SH2D6: variants seen among roughly 807,000 people sequenced by gnomAD.
SH2D6 encodes SH2 domain containing 6, also known as SH2 domain-containing protein 6.
Under a neutral mutation model 30.2 loss-of-function variants are expected in SH2D6, and 31 were observed. The ratio of observed to expected loss-of-function variants is 1.03; its 90% CI spans 0.77 to 1.38. SH2D6 has a LOEUF of 1.38. Ranked by LOEUF, SH2D6 falls within the 40% of genes most tolerant of loss-of-function variation. The pLI is 0.00. For synonymous variants in SH2D6, 93 were observed against 104.6 expected (o/e 0.89, Z 0.68); for missense variants, 240 against 266.8 (o/e 0.90, Z 0.70).
At chr2:85,435,959 C>T in intron 22 of SH2D6, 135 bp downstream of exon 22, 1 of 1,239,682 alleles carries the variant, frequency 8.1e-7, no homozygotes. Context: ...GAGCCCAGAG[C>T]CCTGAACTCC....
At chr2:85,435,997 G>T (rs1299019935) in intron 22 of SH2D6, among the ~76,000 whole-genome samples, 173 bp downstream of exon 22, 2 of 152,220 alleles carry the variant, frequency 1.3e-5, no homozygotes, top group Non-Finnish European at 2.9e-5. Context: ...TCTGGTGGGG[G>T]AGGTGCCCCT....
intron 19 of SH2D6, 193 bp from the exon 20 acceptor site, chr2:85,434,872 C>A (rs1573250210): frequency 1.4e-5 from 21 of 1,536,894 alleles, no homozygotes; most frequent in Non-Finnish European, 1.8e-5. Flanking sequence ...GGAGGTCACA[C>A]GAGGCCTGGC....
intron 6 of SH2D6, among the ~76,000 whole-genome samples, chr2:85,427,716 G>A (rs1392857342): frequency 6.6e-6 from 1 of 152,254 alleles, no homozygotes; most frequent in African/African-American, 2.4e-5. Context: ...GCTGAGAGTG[G>A]AGGACAAAGA....
rs1165739633 is a variant in SH2D6, at chr2:85,422,417, A to G, written c.-464-13A>G. ...GAGTAAATATCTAGAAATTCCACTA[A>G]AATTTCCTTAAGTCAACAGGACACA... is the stretch of plus-strand genomic sequence containing the variant. On this transcript the variant is annotated splice_polypyrimidine_tract_variant and intron_variant, in intron 3 of 23. Coordinates refer to ENST00000469800, the MANE Select transcript of SH2D6 (RefSeq NM_001394463.1). 6.6e-6 allele frequency: 1 copy of G among 152,186 alleles called. No homozygotes were observed. The highest frequency in any genetic ancestry group is 1.5e-5 in the Non-Finnish European group (1 of 68,042). 9.4% of individuals were successfully genotyped at this position (152,186 alleles called of 1,614,324 possible).
chr2:85,426,354 A>ATG (rs1235914119), intron 6 of SH2D6, among the ~76,000 whole-genome samples: 1 of 152,132 alleles, frequency 6.6e-6, no homozygotes, highest in Non-Finnish European at 1.5e-5. Flanking sequence ...TTTGATTATG[A>ATG]TGTTGGCTGT....
At chr2:85,428,476 T>TAGG (rs1688250304) in intron 6 of SH2D6, 108 bp from the exon 7 acceptor site, 1 of 152,132 alleles carries the variant, frequency 6.6e-6, no homozygotes, top group Non-Finnish European at 1.5e-5. Flanking sequence ...ATAGGGTCTT[T>TAGG]AGGGAGGTCA....
At position 85,435,451 on chromosome 2, in the gene SH2D6, C is replaced by T; in HGVS notation, c.687C>T (p.Asn229=). 1 of 1,613,938 alleles carries T rather than the reference C, an allele frequency of 6.2e-7. No homozygotes were observed. Among genetic ancestry groups the T allele is most frequent in the Non-Finnish European group, 8.5e-7 (1 of 1,180,000 alleles). ...DLLTQPWYSG[N]CDRYAVESAL... Reference sequence around the variant, plus strand: ...TGACTCAGCCTTGGTACTCGGGGAACTGTGACCGCTATGCTGTTGAGAGTG... The same window carrying T: ...TGACTCAGCCTTGGTACTCGGGGAATTGTGACCGCTATGCTGTTGAGAGTG... The change falls in exon 21 of 24, where the codon AAC becomes AAT. Residue 229 remains asparagine, a synonymous_variant. Coordinates refer to ENST00000469800, the MANE Select transcript of SH2D6 (RefSeq NM_001394463.1).
chr2:85,436,561 G>A lies in SH2D6; in HGVS notation c.987G>A (p.Leu329=), dbSNP rs772313115. The A allele has an allele frequency of 6.2e-7, 1 of 1,613,668 alleles. No homozygotes were observed. The highest frequency in any genetic ancestry group is 8.5e-7 in the Non-Finnish European group (1 of 1,179,980). Residue 329 remains leucine (L), a synonymous_variant, in exon 23 of 24, where the codon CTG becomes CTA. Coordinates refer to ENST00000469800, the MANE Select transcript of SH2D6 (RefSeq NM_001394463.1). The stretch of plus-strand genomic sequence containing the variant: ...GCGGCAGCCGGGAACTCACCTGCCT[G>A]CTCTTCCCCACCAAGCCTTGAGGCC... The part of the protein sequence containing the change: ...RHSGSRELTC[L]LFPTKP
chr2:85,420,472 C>T (rs1176639829), intron 2 of SH2D6, among the ~76,000 whole-genome samples: 1 of 152,220 alleles, frequency 6.6e-6, no homozygotes, highest in Non-Finnish European at 1.5e-5. Flanking sequence ...TGAGCTTCTG[C>T]ATTCCAGGGC....
chr2:85,434,049 G>C lies in SH2D6; in HGVS notation c.471G>C (p.Gln157His), dbSNP rs368165165. Residue 157 changes from glutamine to histidine, a missense_variant, in exon 17 of 24, where the codon CAG becomes CAC. Coordinates refer to ENST00000469800, the MANE Select transcript of SH2D6 (RefSeq NM_001394463.1). ...CEPDPVLALT[Q>H]TLSFQVLMPS... is the part of the protein sequence containing the mutation. ...CTGTTTCAGTCCTGGCTTTGACTCAGACTCTCAGCTTCCAAGTCCTGATGC... is the reference window on the plus strand; with the variant it reads ...CTGTTTCAGTCCTGGCTTTGACTCACACTCTCAGCTTCCAAGTCCTGATGC... 4.6e-5 allele frequency: 72 copies of C among 1,550,580 alleles called. No homozygotes were observed. In the East Asian group the frequency reaches 8.6e-4, roughly 18 times the overall value.
chr2:85,425,118 C>T lies in SH2D6; in HGVS notation c.-308-190C>T, dbSNP rs371178081. The stretch of plus-strand genomic sequence containing the variant: ...TCCCAACACTATACAAGTATAACGC[C>T]GTAACACTAGTTCTATCTGGTTCCA... On this transcript the variant is annotated intron_variant, in intron 5 of 23. Transcript: ENST00000469800. 1.0e-3 allele frequency among the ~76,000 whole-genome samples: 158 copies of T among 152,126 alleles called. 4 individuals are homozygous for T. In the South Asian group the frequency reaches 0.032, roughly 31 times the overall value.
rs1317864760 is a variant in SH2D6, at chr2:85,433,903, G to A, written c.455-130G>A. On this transcript the variant is annotated intron_variant, in intron 16 of 23. Coordinates refer to ENST00000469800, the MANE Select transcript of SH2D6 (RefSeq NM_001394463.1). ...GCCAGGACAGCATCTGCCTCTGGTT[G>A]GAAGCACTCCCAGAAAGTCCAGGCT... The A allele has an allele frequency of 4.7e-6, 4 of 853,252 alleles. No homozygotes were observed. In the African/African-American group the frequency reaches 6.8e-5, roughly 14 times the overall value. The allele number at this position is 853,252 out of a possible 1,614,324, so 52.9% of individuals were successfully genotyped here.
At position 85,430,898 on chromosome 2, in the gene SH2D6, A is replaced by AACCAAGGCAAGGC. The variant is rs1486417525; in HGVS notation, c.250+256_250+257insGGCACCAAGGCAA. Among the ~76,000 whole-genome samples, 1 of 152,088 alleles carries AACCAAGGCAAGGC rather than the reference A, an allele frequency of 6.6e-6. No individual in the cohort carries two copies. Among genetic ancestry groups the AACCAAGGCAAGGC allele is most frequent in the Non-Finnish European group, 1.5e-5 (1 of 67,998 alleles). On this transcript the variant is annotated intron_variant, in intron 12 of 23. Coordinates refer to ENST00000469800, the MANE Select transcript of SH2D6 (RefSeq NM_001394463.1). This position sits in a 1 kb window ranked among gnomAD's most constrained non-coding sequence, Gnocchi z 4.3. ...GGGAAGGGAAGAGGAGGGGTGGTGT[A>AACCAAGGCAAGGC]ACCAAGGCAACAGCAGGGGCCTGGC...
intron 20 of SH2D6, 21 bp downstream of exon 20, chr2:85,435,144 G>C: frequency 6.2e-7 from 1 of 1,607,184 alleles, no homozygotes; most frequent in South Asian, 1.1e-5. Flanking sequence ...GCTGGGAGCA[G>C]GCTGTAGGGA....
At chr2:85,435,173 C>A in intron 20 of SH2D6, 50 bp downstream of exon 20, 1 of 1,561,212 alleles carries the variant, frequency 6.4e-7, no homozygotes, top group Non-Finnish European at 8.8e-7. Context: ...GGGAGCAGAG[C>A]CTGAGAGTCC....
chr2:85,420,638 T>TGG (rs1687715419), intron 2 of SH2D6, among the ~76,000 whole-genome samples: 1 of 152,260 alleles, frequency 6.6e-6, no homozygotes, highest in Non-Finnish European at 1.5e-5. Context: ...ACAGGGAATG[T>TGG]GGCTAAGGAA....
chr2:85,427,666 T>C (rs954773239), intron 6 of SH2D6, among the ~76,000 whole-genome samples: 1 of 152,228 alleles, frequency 6.6e-6, no homozygotes, highest in Admixed American at 6.5e-5. Context: ...GTGAGGGAAG[T>C]TGCCGCCTGC....
intron 19 of SH2D6, 28 bp downstream of exon 19, chr2:85,434,525 G>A: frequency 6.5e-7 from 1 of 1,549,146 alleles, no homozygotes; most frequent in Non-Finnish European, 8.7e-7. Flanking sequence ...CAAAGGTAGT[G>A]AGTTATCCCA....
At chr2:85,433,264 A>G (rs1688974635) in intron 15 of SH2D6, 143 bp downstream of exon 15, 2 of 567,020 alleles carry the variant, frequency 3.5e-6, no homozygotes, top group South Asian at 1.5e-4. Context: ...CCCCTCAGCC[A>G]CAGGCCCCTG....
Sources: gnomAD v4.1 joint callset for allele counts (sites outside exome capture counted in the v4.1 genomes callset) on GRCh38, gnomAD v4.1.1 for gene constraint, Gnocchi (gnomAD v3.1) non-coding constraint, MANE v1.5 for transcripts, NCBI Gene and HGNC (gene_info 2026-07-23, HGNC 2026-07-21) for gene names.